Variants in ZRANB3 observed in about 807,000 individuals in gnomAD.
ZRANB3 encodes zinc finger RANBP2-type containing 3.
In ZRANB3, 125 loss-of-function variants were observed where a neutral mutation model predicts 133.8. That is an observed-to-expected ratio of 0.93 (90% CI 0.81 to 1.08). The LOEUF (loss-of-function observed/expected upper bound fraction) is 1.08. ZRANB3 is among the 50% of genes least tolerant of loss of function. The pLI is 0.00. For synonymous variants in ZRANB3, 387 were observed against 432.7 expected (o/e 0.89, Z 1.31); for missense variants, 1,229 against 1,275.5 (o/e 0.96, Z 0.56).
chr2:135,385,863 G>T (rs1055901592), intron 3 of ZRANB3, among the ~76,000 whole-genome samples: 2 of 151,846 alleles, frequency 1.3e-5, no homozygotes, highest in Non-Finnish European at 2.9e-5. Flanking sequence ...GACTTGAATG[G>T]TTTTAGACCT....
chr2:135,242,506 C>T (rs1392618928), intron 12 of ZRANB3, among the ~76,000 whole-genome samples: 2 of 150,938 alleles, frequency 1.3e-5, no homozygotes, highest in Non-Finnish European at 2.9e-5. Context: ...CCAGGGGGGG[C>T]TCAAACTCCT....
intron 2 of ZRANB3, among the ~76,000 whole-genome samples, chr2:135,486,187 A>T (rs1469907635): frequency 2.0e-5 from 3 of 152,222 alleles, no homozygotes; most frequent in Non-Finnish European, 2.9e-5. Flanking sequence ...GATTTCTTGA[A>T]GCATACACTG....
chr2:135,222,885 C>G (rs1284835762), intron 15 of ZRANB3, among the ~76,000 whole-genome samples: 1 of 150,396 alleles, frequency 6.6e-6, no homozygotes. Context: ...CTGAGGCGGG[C>G]GGACTGTTTG....
intron 5 of ZRANB3, among the ~76,000 whole-genome samples, chr2:135,347,468 T>G (rs1684992904): frequency 6.6e-6 from 1 of 152,152 alleles, no homozygotes; most frequent in Non-Finnish European, 1.5e-5. Flanking sequence ...AATTTTTTTG[T>G]ATTTTTTCGT....
rs1488837438 is a variant in ZRANB3, at chr2:135,198,706, G to T, written c.*1636C>A. On this transcript the variant is annotated 3_prime_UTR_variant, in exon 21 of 21. Transcript: ENST00000264159. ...CCGTGACAAATCCTAGGTTACCTTG[G>T]AAATGAGGCAGAAAACTGCAAAGAG... 1 of 152,158 alleles carries T rather than the reference G, an allele frequency of 6.6e-6. No individual in the cohort carries two copies. Among genetic ancestry groups the T allele is most frequent in the African/African-American group, 2.4e-5 (1 of 41,422 alleles). 9.4% of individuals were successfully genotyped at this position (152,158 alleles called of 1,614,324 possible).
intron 12 of ZRANB3, among the ~76,000 whole-genome samples, chr2:135,250,836 G>A (rs1558863018): frequency 6.6e-6 from 1 of 152,246 alleles, no homozygotes; most frequent in Non-Finnish European, 1.5e-5. Context: ...GCCTCTGCTA[G>A]GGCAGTGCAG....
At chr2:135,329,585 A>G (rs1336333380) in intron 6 of ZRANB3, among the ~76,000 whole-genome samples, 2 of 152,178 alleles carry the variant, frequency 1.3e-5, no homozygotes, top group Non-Finnish European at 2.9e-5. Flanking sequence ...GTTTTTTCCA[A>G]TTCTGTGAAG....
chr2:135,519,369 G>A (rs1456962623), intron 1 of ZRANB3, among the ~76,000 whole-genome samples: 1 of 152,088 alleles, frequency 6.6e-6, no homozygotes, highest in Non-Finnish European at 1.5e-5. Context: ...ACCCTGGCTT[G>A]GGCATGATGA....
In ZRANB3 at chr2:135,230,754, A is replaced by G. The variant is rs1414048425; in HGVS notation, c.1713T>C (p.Val571=). 8.7e-6 allele frequency: 14 copies of G among 1,613,684 alleles called. No homozygotes were observed. The highest frequency in any genetic ancestry group is 1.2e-5 in the Non-Finnish European group (14 of 1,179,868). Residue 571 remains valine (V), a synonymous_variant, in exon 13 of 21, where the codon GTT becomes GTC. Coordinates refer to ENST00000264159, the MANE Select transcript of ZRANB3 (RefSeq NM_032143.4). ...ATTTCAATCTTTTCGTTTCAGGTTCAACATCACTTTCATAATCGATGATAT... is the reference window on the plus strand; with the variant it reads ...ATTTCAATCTTTTCGTTTCAGGTTCGACATCACTTTCATAATCGATGATAT... ...ARDIIDYESD[V]EPETKRLKLA... is the part of the protein sequence containing the mutation.
chr2:135,236,592 T>TG (rs1695295310), intron 12 of ZRANB3, among the ~76,000 whole-genome samples: 1 of 152,066 alleles, frequency 6.6e-6, no homozygotes, highest in Non-Finnish European at 1.5e-5. Flanking sequence ...AAAACAGAGA[T>TG]ATAGACCAAT....
In ZRANB3 at chr2:135,196,983, A is replaced by C. The variant is rs1693435527; in HGVS notation, c.*3359T>G. 6.6e-6 allele frequency: 1 copy of C among 152,230 alleles called. No individual in the cohort carries two copies. The highest frequency in any genetic ancestry group is 6.5e-5 in the Admixed American group (1 of 15,276). The allele number at this position is 152,230 out of a possible 1,614,324, so 9.4% of individuals were successfully genotyped here. A position where few individuals can be genotyped will look rare whatever the true frequency, so the allele number is the denominator to read the frequency against. On this transcript the variant is annotated 3_prime_UTR_variant, in exon 21 of 21. Coordinates refer to ENST00000264159, the MANE Select transcript of ZRANB3 (RefSeq NM_032143.4). ...AGAGAGGCAGGTAGTTGGAACACAG[A>C]ATGTATTTTAATAACAGTGACATTT...
intron 2 of ZRANB3, among the ~76,000 whole-genome samples, chr2:135,391,885 T>A (rs1687252525): frequency 6.6e-6 from 1 of 151,948 alleles, no homozygotes; most frequent in Non-Finnish European, 1.5e-5. Context: ...GGCCGCTGAG[T>A]TTTTATTTCT....
intron 8 of ZRANB3, among the ~76,000 whole-genome samples, chr2:135,289,259 T>G (rs1211477728): frequency 6.6e-6 from 1 of 152,112 alleles, no homozygotes; most frequent in Non-Finnish European, 1.5e-5. Context: ...GTAGTTGATT[T>G]CTTTTTTTGT....
intron 2 of ZRANB3, among the ~76,000 whole-genome samples, chr2:135,407,202 T>C (rs1395657390): frequency 6.6e-6 from 1 of 152,136 alleles, no homozygotes; most frequent in East Asian, 1.9e-4. Flanking sequence ...AGCCAAATCA[T>C]GAGTGAACTC....
intron 3 of ZRANB3, among the ~76,000 whole-genome samples, chr2:135,382,907 C>T (rs1453114205): frequency 3.9e-5 from 6 of 152,100 alleles, no homozygotes; most frequent in East Asian, 3.9e-4. Context: ...TAAAGACCAT[C>T]GAGGCTAGGA....
At chr2:135,382,391 C>T (rs970561317) in intron 3 of ZRANB3, among the ~76,000 whole-genome samples, 1 of 151,964 alleles carries the variant, frequency 6.6e-6, no homozygotes, top group African/African-American at 2.4e-5. Flanking sequence ...AGTGACGGGG[C>T]GAATGGAACC....
chr2:135,498,058 T>A (rs1692760353), intron 2 of ZRANB3, among the ~76,000 whole-genome samples: 1 of 147,126 alleles, frequency 6.8e-6, no homozygotes. Context: ...CTCTAAAAAA[T>A]AATAAATAAT....
intron 2 of ZRANB3, among the ~76,000 whole-genome samples, chr2:135,491,916 A>G (rs984968641): frequency 6.6e-6 from 1 of 152,192 alleles, no homozygotes; most frequent in African/African-American, 2.4e-5. Flanking sequence ...AAGGACAGAG[A>G]GGGAGAAAAA....
chr2:135,313,020 TA>T (rs771665483), intron 8 of ZRANB3, among the ~76,000 whole-genome samples: 193 of 119,838 alleles, frequency 1.6e-3, no homozygotes, highest in Middle Eastern at 9.3e-3. Context: ...ATTCCGTCTT[TA>T]AAAAAAAAAA....
Sources: allele counts gnomAD v4.1 joint callset (sites outside exome capture counted in the v4.1 genomes callset), GRCh38; gene constraint gnomAD v4.1.1; transcripts MANE v1.5; gene names NCBI Gene and HGNC (gene_info 2026-07-23, HGNC 2026-07-21).